ZFC3H1: variants seen among roughly 807,000 people sequenced by gnomAD.
ZFC3H1 encodes the protein zinc finger C3H1-type containing.
A neutral mutation model predicts 243.7 loss-of-function variants in ZFC3H1; 71 were observed. The observed-to-expected ratio is 0.29, with a 90% CI of 0.24 to 0.36. The LOEUF is 0.36. ZFC3H1 is among the 10% of genes least tolerant of loss of function. ZFC3H1 has a pLI of 1.00. For missense variants in ZFC3H1, 1,966 were observed against 2,317.1 expected (o/e 0.85, Z 3.11); for synonymous variants, 838 against 813.0 (o/e 1.03, Z -0.52).
At chr12:71,652,808 C>A (rs1880922662) in intron 2 of ZFC3H1, among the ~76,000 whole-genome samples, 4 of 152,128 alleles carry the variant, frequency 2.6e-5, no homozygotes. Flanking sequence ...CCAAAATAAT[C>A]ATCACTTAGG....
rs1475790992 is a variant in ZFC3H1 at position 71,610,390 on chromosome 12, AATT to A, written c.*35_*37del. 2.5e-6 allele frequency: 4 copies of A among 1,593,602 alleles called. No homozygotes were observed. The highest frequency in any genetic ancestry group is 8.5e-7 in the Non-Finnish European group (1 of 1,170,806). On this transcript the variant is annotated 3_prime_UTR_variant, in exon 35 of 35. Coordinates refer to ENST00000378743, the MANE Select transcript of ZFC3H1 (RefSeq NM_144982.5). ...GAAGAATCATTCAAATAATTTTGGC[AATT>A]ATTATAAGGACTTAGAACTGACTGC...
At chr12:71,653,763 C>A (rs1258096689) in intron 2 of ZFC3H1, among the ~76,000 whole-genome samples, 6 of 152,168 alleles carry the variant, frequency 3.9e-5, no homozygotes, top group Non-Finnish European at 7.3e-5. Flanking sequence ...TGCCTGTAAT[C>A]CCAGCACTTT....
chr12:71,611,203 A>C (rs1473168934), intron 32 of ZFC3H1, 106 bp from the exon 33 acceptor site: 4 of 1,174,058 alleles, frequency 3.4e-6, no homozygotes, highest in South Asian at 4.3e-5. Context: ...GACTGTGGGA[A>C]TCTGAGTACA....
chr12:71,637,866 T>G (rs953609432), intron 7 of ZFC3H1, among the ~76,000 whole-genome samples: 2 of 152,220 alleles, frequency 1.3e-5, no homozygotes, highest in African/African-American at 4.8e-5. Context: ...AAACTTTTAA[T>G]GTGTGATTCC....
chr12:71,628,460 G>A (rs975338986), intron 20 of ZFC3H1, among the ~76,000 whole-genome samples: 8 of 152,118 alleles, frequency 5.3e-5, no homozygotes, highest in African/African-American at 1.7e-4. Context: ...TAACATACAG[G>A]CACTCATTCA....
intron 2 of ZFC3H1, among the ~76,000 whole-genome samples, chr12:71,651,140 G>A (rs917536485): frequency 6.6e-5 from 10 of 152,210 alleles, no homozygotes; most frequent in South Asian, 2.1e-4. Context: ...GGTAGAGACT[G>A]AGAATTTGTG....
chr12:71,645,032 C>T lies in ZFC3H1; in HGVS notation c.1124G>A (p.Arg375His). 1.2e-6 allele frequency: 2 copies of T among 1,613,698 alleles called. No homozygotes were observed. The highest frequency in any genetic ancestry group is 1.7e-6 in the Non-Finnish European group (2 of 1,179,954). Residue 375 changes from arginine (R) to histidine (H), a missense_variant, in exon 4 of 35, where the codon CGC (arginine) becomes CAC (histidine). Around this residue, in one of 4 missense-constraint regions of ZFC3H1, gnomAD observed 91 missense variants for 107.6 expected, o/e 0.85. Coordinates refer to ENST00000378743, the MANE Select transcript of ZFC3H1 (RefSeq NM_144982.5). Reference protein sequence around the residue: ...DEEELSELQLRLLALQSASKK... With the variant: ...DEEELSELQLHLLALQSASKK... The stretch of plus-strand genomic sequence containing the variant: ...ACTGGCTGACTGAAGAGCCAAAAGG[C>T]GAAGCTGTAATTCAGATAGTTCCTC...
chr12:71,644,989 T>C lies in ZFC3H1; in HGVS notation c.1167A>G (p.Lys389=). Residue 389 remains lysine (K), a synonymous_variant, in exon 4 of 35, where the codon AAA becomes AAG. Coordinates refer to ENST00000378743, the MANE Select transcript of ZFC3H1 (RefSeq NM_144982.5). Reference sequence around the variant, plus strand: ...TGCTTTCTTTCATCACCTGCTGTTCTTTTTGTTGCCATTTTTTACTGGCTG... The same window carrying C: ...TGCTTTCTTTCATCACCTGCTGTTCCTTTTGTTGCCATTTTTTACTGGCTG... The part of the protein sequence containing the change: ...LQSASKKWQQ[K]EQQVMKESKE... The C allele has an allele frequency of 6.2e-7, 1 of 1,613,816 alleles. No homozygotes were observed.
intron 19 of ZFC3H1, 119 bp from the exon 20 acceptor site, chr12:71,629,156 T>G: frequency 1.1e-6 from 1 of 919,276 alleles, no homozygotes; most frequent in Non-Finnish European, 1.5e-6. Context: ...AAATGATACG[T>G]ATTTTTTTTT....
At chr12:71,648,118 T>C (rs998478073) in intron 2 of ZFC3H1, among the ~76,000 whole-genome samples, 1 of 152,142 alleles carries the variant, frequency 6.6e-6, no homozygotes, top group African/African-American at 2.4e-5. Context: ...TTATAAAGCA[T>C]AGAAACAAGC....
Position 71,631,238 on chromosome 12 carries a change from C to T in ZFC3H1, c.3471-284G>A, listed in dbSNP as rs184932008. Among the ~76,000 whole-genome samples the T allele has an allele frequency of 1.1e-4, 16 of 151,998 alleles. No homozygotes were observed. In the East Asian group the frequency reaches 2.7e-3, roughly 26 times the overall value. On this transcript the variant is annotated intron_variant, in intron 16 of 34. Transcript: ENST00000378743. ...CACATAATAAAATACTATATAATACCGGTATTTCTTACACACATTACCAGC... is the reference window on the plus strand; with the variant it reads ...CACATAATAAAATACTATATAATACTGGTATTTCTTACACACATTACCAGC...
intron 5 of ZFC3H1, 110 bp downstream of exon 5, chr12:71,643,985 T>C: frequency 1.0e-6 from 1 of 996,334 alleles, no homozygotes; most frequent in East Asian, 2.6e-5. Flanking sequence ...ACCTTCCTTT[T>C]TTCCAAGAGT....
rs143253781 is a variant in ZFC3H1, at chr12:71,638,526, A to T, written c.1628-11T>A. 4.0e-5 allele frequency: 63 copies of T among 1,588,270 alleles called. No homozygotes were observed. The East Asian group carries it at 9.2e-4, about 23-fold the overall frequency. On this transcript the variant is annotated splice_polypyrimidine_tract_variant and intron_variant, in intron 6 of 34. Transcript: ENST00000378743. Reference sequence around the variant, plus strand: ...GCACTGGTGAAGGAGCTGTAAAAAAATTTTTTGTTAAGAGTTTAATAACAG... The same window carrying T: ...GCACTGGTGAAGGAGCTGTAAAAAATTTTTTTGTTAAGAGTTTAATAACAG...
At chr12:71,642,405 A>C in intron 6 of ZFC3H1, 31 bp downstream of exon 6, 1 of 1,599,208 alleles carries the variant, frequency 6.3e-7, no homozygotes. Flanking sequence ...ATACATGTAA[A>C]TACACAAAGG....
Position 71,610,698 on chromosome 12 carries a change from T to C in ZFC3H1, c.5829A>G (p.Lys1943=). Residue 1943 remains lysine, a synonymous_variant, in exon 34 of 35, where the codon AAA becomes AAG. Transcript: ENST00000378743. ...QKLPLCASLW[K]DQLLFEASEG... ...AATAAAAGATAAAAAGCATTACATC[T>C]TTCCACAGTGATGCACAAAGAGGTA... The C allele has an allele frequency of 6.2e-7, 1 of 1,613,224 alleles. No homozygotes were observed. The highest frequency in any genetic ancestry group is 8.5e-7 in the Non-Finnish European group (1 of 1,179,584).
intron 7 of ZFC3H1, 46 bp from the exon 8 acceptor site, chr12:71,637,105 T>A (rs1231837314): frequency 1.3e-6 from 2 of 1,493,022 alleles, no homozygotes; most frequent in African/African-American, 2.8e-5. Flanking sequence ...TTTTATCAAC[T>A]CAAATGCTTC....
rs549913450 is a variant in ZFC3H1, at chr12:71,650,046, G to A, written c.1016-2233C>T. Among the ~76,000 whole-genome samples, 12 of 152,290 alleles carry A rather than the reference G, an allele frequency of 7.9e-5. No homozygotes were observed. In the South Asian group the frequency reaches 2.5e-3, roughly 32 times the overall value. ...TACCAAAAATACAAAAAATTAGCCA[G>A]GCGTGGTGGCAGGCACCTATAGTCC... On this transcript the variant is annotated intron_variant, in intron 2 of 34. Coordinates refer to ENST00000378743, the MANE Select transcript of ZFC3H1 (RefSeq NM_144982.5).
At chr12:71,622,359 C>A (rs78179549) in intron 24 of ZFC3H1, among the ~76,000 whole-genome samples, 8,835 of 152,256 alleles carry the variant, frequency 0.058, 358 homozygotes, top group South Asian at 0.087. Context: ...GGTCCCCATT[C>A]TTCTATGAAG....
chr12:71,640,522 T>C (rs1167177590), intron 6 of ZFC3H1, among the ~76,000 whole-genome samples: 1 of 152,204 alleles, frequency 6.6e-6, no homozygotes, highest in African/African-American at 2.4e-5. Context: ...GGACCACCAG[T>C]GGTGCTCAAG....
Sources: gnomAD v4.1 joint callset for allele counts (sites outside exome capture counted in the v4.1 genomes callset) on GRCh38, gnomAD v4.1.1 for gene constraint, gnomAD v4.1.1 regional missense constraint, MANE v1.5 for transcripts, NCBI Gene and HGNC (gene_info 2026-07-23, HGNC 2026-07-21) for gene names.